MGAT4C: variants seen among roughly 807,000 people sequenced by gnomAD.
MGAT4C encodes the protein alpha-1,3-mannosyl-glycoprotein 4-beta-N-acetylglucosaminyltransferase C.
MGAT4C carries 19 observed loss-of-function variants against 40.1 expected under a neutral mutation model. That is an observed-to-expected ratio of 0.47 (90% CI 0.33 to 0.70). MGAT4C has a LOEUF of 0.70. Among genes scored for constraint, MGAT4C ranks in the 30% least tolerant of loss-of-function variants. The probability of loss-of-function intolerance (pLI) is 0.02; values close to 1 mark genes in which losing one functional copy is unlikely to be tolerated. For synonymous variants in MGAT4C, 181 were observed against 187.1 expected (o/e 0.97, Z 0.27); for missense variants, 491 against 563.2 (o/e 0.87, Z 1.30).
chr12:86,777,149 T>A (rs1287028157), intron 1 of MGAT4C, among the ~76,000 whole-genome samples: 2 of 152,336 alleles, frequency 1.3e-5, no homozygotes, highest in South Asian at 2.1e-4. Context: ...TAAATTTTTT[T>A]AATGTATTTT....
intron 1 of MGAT4C, among the ~76,000 whole-genome samples, chr12:86,789,999 G>A (rs575159853): frequency 6.6e-6 from 1 of 152,050 alleles, no homozygotes; most frequent in Non-Finnish European, 1.5e-5. Context: ...TTATAATGTG[G>A]TGTCATTCAT....
At chr12:86,542,629 T>C (rs1427853559) in intron 2 of MGAT4C, among the ~76,000 whole-genome samples, 1 of 152,170 alleles carries the variant, frequency 6.6e-6, no homozygotes, top group African/African-American at 2.4e-5. Context: ...TTTTTGCCAC[T>C]GAATGTCCAG....
chr12:86,344,842 T>G (rs1206697367), intron 3 of MGAT4C, among the ~76,000 whole-genome samples: 1 of 151,562 alleles, frequency 6.6e-6, no homozygotes, highest in Non-Finnish European at 1.5e-5. Context: ...GCCCACTGCA[T>G]TAATACATGT....
At chr12:86,434,320 G>A (rs1957098028) in intron 3 of MGAT4C, among the ~76,000 whole-genome samples, 1 of 151,832 alleles carries the variant, frequency 6.6e-6, no homozygotes, top group Admixed American at 6.6e-5. Flanking sequence ...AAAATTAAAA[G>A]CTATAAATTT....
chr12:86,608,342 G>T (rs1962117270), intron 2 of MGAT4C, among the ~76,000 whole-genome samples: 1 of 152,042 alleles, frequency 6.6e-6, no homozygotes, highest in Admixed American at 6.6e-5. Context: ...ACTTTGGGAG[G>T]CTTAGAAAGG....
chr12:86,548,363 A>G (rs886354236), intron 2 of MGAT4C, among the ~76,000 whole-genome samples: 1 of 152,130 alleles, frequency 6.6e-6, no homozygotes, highest in East Asian at 1.9e-4. Flanking sequence ...TAATCTCTCA[A>G]GGTTAATTTA....
At chr12:86,741,251 G>C (rs1180574920) in intron 1 of MGAT4C, among the ~76,000 whole-genome samples, 4 of 151,190 alleles carry the variant, frequency 2.6e-5, no homozygotes, top group African/African-American at 9.7e-5. Flanking sequence ...ATCATTGGTG[G>C]ATGGGATAAA....
chr12:86,755,824 T>C (rs1951295804), intron 1 of MGAT4C, among the ~76,000 whole-genome samples: 1 of 151,764 alleles, frequency 6.6e-6, no homozygotes, highest in Non-Finnish European at 1.5e-5. Context: ...TTTTTTGTAG[T>C]TTTTGTAGAG....
chr12:86,774,333 T>TTCTTTCTTTCTTTCTTTC (rs1235833661), intron 1 of MGAT4C, among the ~76,000 whole-genome samples: 1 of 108,530 alleles, frequency 9.2e-6, no homozygotes, highest in Non-Finnish European at 1.9e-5. Context: ...CTTTCTTTCT[T>TTCTTTCTTTCTTTCTTTC]TCTTTCTGTC....
At chr12:86,611,919 A>G (rs1384279509) in intron 2 of MGAT4C, among the ~76,000 whole-genome samples, 2 of 152,180 alleles carry the variant, frequency 1.3e-5, no homozygotes, top group African/African-American at 4.8e-5. Context: ...ATGTTTTAAT[A>G]CTTTAAATAC....
chr12:86,541,392 TAA>T (rs1038760162), intron 2 of MGAT4C, among the ~76,000 whole-genome samples: 1 of 152,166 alleles, frequency 6.6e-6, no homozygotes, highest in African/African-American at 2.4e-5. Context: ...CAATGACTGG[TAA>T]ATACGAGATG....
At chr12:86,765,400 T>A (rs1451223787) in intron 1 of MGAT4C, among the ~76,000 whole-genome samples, 2 of 152,208 alleles carry the variant, frequency 1.3e-5, no homozygotes, top group African/African-American at 2.4e-5. Flanking sequence ...TTTGTGTACC[T>A]GAAAGTGACG....
At chr12:86,509,963 T>A (rs1958543489) in intron 2 of MGAT4C, among the ~76,000 whole-genome samples, 1 of 152,184 alleles carries the variant, frequency 6.6e-6, no homozygotes, top group African/African-American at 2.4e-5. Flanking sequence ...GATTTTGGGC[T>A]GAGACAGTGG....
intron 2 of MGAT4C, among the ~76,000 whole-genome samples, chr12:86,502,590 G>A (rs1248140088): frequency 5.1e-5 from 7 of 138,270 alleles, no homozygotes; most frequent in African/African-American, 1.8e-4. Context: ...GGAAAGCAGT[G>A]TTTGGAGGGT....
At chr12:86,124,817 C>A (rs906517502) in intron 1 of MGAT4C, among the ~76,000 whole-genome samples, 1 of 152,028 alleles carries the variant, frequency 6.6e-6, no homozygotes, top group African/African-American at 2.4e-5. Flanking sequence ...TTTTACCAAG[C>A]ATGGAGAAGA....
intron 2 of MGAT4C, among the ~76,000 whole-genome samples, chr12:86,579,822 T>G (rs1010540146): frequency 6.6e-6 from 1 of 151,584 alleles, no homozygotes; most frequent in African/African-American, 2.4e-5. Flanking sequence ...GGTATACGAT[T>G]ATAGGTTAAA....
At chr12:86,019,088 GAACT>G (rs530240033) in intron 2 of MGAT4C, among the ~76,000 whole-genome samples, 25 of 152,004 alleles carry the variant, frequency 1.6e-4, no homozygotes, top group Non-Finnish European at 3.1e-4. Context: ...AGCAAACATT[GAACT>G]AACTATGTCA....
intron 1 of MGAT4C, among the ~76,000 whole-genome samples, chr12:86,150,201 C>A (rs1200287185): frequency 1.3e-5 from 2 of 152,166 alleles, no homozygotes; most frequent in Admixed American, 6.5e-5. Context: ...CCCCGCTGAT[C>A]TTACAAGACA....
In MGAT4C at chr12:85,973,654, A is replaced by T. The variant is rs1285040290; in HGVS notation, c.*5635T>A. ...TAATCCAATATAATGTGAAAATTTG[A>T]TCATGCTATATTCTTAATTTAATTG... On this transcript the variant is annotated 3_prime_UTR_variant, in exon 5 of 5. Transcript: ENST00000611864. 6.6e-6 allele frequency: 1 copy of T among 150,824 alleles called. No homozygotes were observed. Among genetic ancestry groups the T allele is most frequent in the Non-Finnish European group, 1.5e-5 (1 of 67,072 alleles). The allele number at this position is 150,824 out of a possible 1,614,324, so 9.3% of individuals were successfully genotyped here. A position where few individuals can be genotyped will look rare whatever the true frequency, so the allele number is the denominator to read the frequency against.
Sources: allele counts gnomAD v4.1 joint callset (sites outside exome capture counted in the v4.1 genomes callset), GRCh38; gene constraint gnomAD v4.1.1; transcripts MANE v1.5; gene names NCBI Gene and HGNC (gene_info 2026-07-23, HGNC 2026-07-21).